DNM2: variants seen among roughly 807,000 people sequenced by gnomAD.
DNM2 encodes the protein dynamin 2.
DNM2 carries 15 observed loss-of-function variants against 99.0 expected under a neutral mutation model. The observed-to-expected ratio is 0.15, with a 90% CI of 0.10 to 0.23. The LOEUF (loss-of-function observed/expected upper bound fraction) is 0.23. Among genes scored for constraint, DNM2 ranks in the 10% least tolerant of loss-of-function variants. The pLI, the probability that DNM2 is intolerant of heterozygous loss-of-function variation, is 1.00. For synonymous variants in DNM2, 525 were observed against 481.2 expected, an observed-to-expected ratio of 1.09 and a Z score of -1.19; for missense variants, 742 against 1,189.4, an observed-to-expected ratio of 0.62 and a Z score of 5.53.
rs532396095 is a variant in DNM2 at position 10,812,758 on chromosome 19, G to A, written c.1671+381G>A. ...GCCGAGATTGCGCCACTGCACTCCAGCCTGGGCGAGAGAGCGAGACTCCAT... is the reference window on the plus strand; with the variant it reads ...GCCGAGATTGCGCCACTGCACTCCAACCTGGGCGAGAGAGCGAGACTCCAT... On this transcript the variant is annotated intron_variant, in intron 15 of 20. Transcript: ENST00000389253. This position sits in a 1 kb window ranked among gnomAD's most constrained non-coding sequence, Gnocchi z 4.0. Among the ~76,000 whole-genome samples the A allele has an allele frequency of 2.5e-4, 38 of 152,330 alleles. No homozygotes were observed. Among genetic ancestry groups the A allele is most frequent in the African/African-American group, 8.9e-4 (37 of 41,574 alleles).
In DNM2 at chr19:10,811,656, CGTTA is replaced by C; in HGVS notation, c.1558-604_1558-601del. 2.0e-6 allele frequency: 1 copy of C among 504,350 alleles called. No homozygotes were observed. Among genetic ancestry groups the C allele is most frequent in the Non-Finnish European group, 3.9e-6 (1 of 253,408 alleles). The allele number at this position is 504,350 out of a possible 1,614,324, so 31.2% of individuals were successfully genotyped here. The stretch of plus-strand genomic sequence containing the variant: ...GGAGCACAGCCCCCAGGCTGCCTGC[CGTTA>C]GTTGTCAGGTGAGTCCCTGCGCAGG... On this transcript the variant is annotated intron_variant, in intron 14 of 20. Transcript: ENST00000389253. The surrounding 1 kb of genome is among the most constrained non-coding windows in gnomAD (Gnocchi z 5.4).
intron 16 of DNM2, 103 bp from the exon 17 acceptor site, chr19:10,823,684 GT>G (rs1301959119): frequency 1.7e-6 from 2 of 1,193,364 alleles, no homozygotes; most frequent in African/African-American, 1.5e-5. Flanking sequence ...TTGGGTTTGG[GT>G]TCCTGATCAG....
At chr19:10,806,988 A>G (rs887753034) in intron 13 of DNM2, among the ~76,000 whole-genome samples, 2 of 152,104 alleles carry the variant, frequency 1.3e-5, no homozygotes, top group Non-Finnish European at 1.5e-5. Flanking sequence ...CTGAGCCACA[A>G]AGGGTTGTAC....
intron 1 of DNM2, among the ~76,000 whole-genome samples, chr19:10,747,209 G>T (rs777791247): frequency 6.6e-6 from 1 of 152,036 alleles, no homozygotes; most frequent in Non-Finnish European, 1.5e-5. Flanking sequence ...TCTCTTTTGG[G>T]TATCATGGTA....
Position 10,742,001 on chromosome 19 carries a change from CTTCTTTCTTTTT to C in DNM2, c.162-17726_162-17715del, listed in dbSNP as rs1430827700. Among the ~76,000 whole-genome samples the C allele has an allele frequency of 7.0e-5, 10 of 143,270 alleles. No homozygotes were observed. The South Asian group carries it at 2.0e-3, about 29-fold the overall frequency. The allele number at this position is 143,270 out of a possible 152,430, so 94.0% of individuals were successfully genotyped here. ...TTTTCCTCTACCCTTCTTTCTTTTCCTTCTTTCTTTTTTTCTTTCTTTGTTTTTGCTTGATTG... is the reference window on the plus strand; with the variant it reads ...TTTTCCTCTACCCTTCTTTCTTTTCCTTCTTTCTTTGTTTTTGCTTGATTG... On this transcript the variant is annotated intron_variant, in intron 1 of 20. Transcript: ENST00000389253.
In DNM2 at chr19:10,819,836, G is replaced by T. The variant is rs972837633; in HGVS notation, c.1672-144G>T. 7.9e-6 allele frequency: 6 copies of T among 763,390 alleles called. No homozygotes were observed. The South Asian group carries it at 8.4e-5, about 11-fold the overall frequency. The allele number at this position is 763,390 out of a possible 1,614,324, so 47.3% of individuals were successfully genotyped here. A position where few individuals can be genotyped will look rare whatever the true frequency, so the allele number is the denominator to read the frequency against. ...GGGACAGAGTGACGGACGGGGAAGG[G>T]CCGGCAGATGGGCTCATATACAGCA... On this transcript the variant is annotated intron_variant, in intron 15 of 20. Transcript: ENST00000389253.
intron 1 of DNM2, among the ~76,000 whole-genome samples, chr19:10,749,586 G>A (rs146779101): frequency 5.3e-4 from 81 of 152,374 alleles, no homozygotes; most frequent in Middle Eastern, 6.8e-3. Flanking sequence ...TGCCCAGAGA[G>A]GGGTAGAGAC....
Position 10,797,528 on chromosome 19 carries a change from T to G in DNM2, c.1335+10T>G. 1 of 1,608,486 alleles carries G rather than the reference T, an allele frequency of 6.2e-7. No individual in the cohort carries two copies. Among genetic ancestry groups the G allele is most frequent in the Non-Finnish European group, 8.5e-7 (1 of 1,176,502 alleles). ...AAAGTGTGCCGAGAAGGTAACAGGT[T>G]TTGTTCTCATCTCCGCATTTGTCCC... is the stretch of plus-strand genomic sequence containing the variant. On this transcript the variant is annotated intron_variant, in intron 10 of 20. Coordinates refer to ENST00000389253, the MANE Select transcript of DNM2 (RefSeq NM_001005361.3).
At chr19:10,789,054 C>T (rs1021073512) in intron 7 of DNM2, among the ~76,000 whole-genome samples, 4 of 152,114 alleles carry the variant, frequency 2.6e-5, no homozygotes, top group Admixed American at 6.6e-5. Flanking sequence ...AATTCATAGC[C>T]GGGGATGGTG....
intron 15 of DNM2, among the ~76,000 whole-genome samples, chr19:10,813,979 C>T (rs1048353953): frequency 2.6e-5 from 4 of 151,654 alleles, no homozygotes; most frequent in African/African-American, 7.3e-5. Flanking sequence ...CCTGGCCAAA[C>T]GGTGAAGCCC....
At chr19:10,768,058 A>G (rs952532060) in intron 2 of DNM2, among the ~76,000 whole-genome samples, 1 of 152,152 alleles carries the variant, frequency 6.6e-6, no homozygotes, top group African/African-American at 2.4e-5. Context: ...TCACTGACCC[A>G]CTAGGGAAGA....
intron 1 of DNM2, among the ~76,000 whole-genome samples, chr19:10,743,142 G>T (rs1303580494): frequency 6.6e-6 from 1 of 151,838 alleles, no homozygotes; most frequent in African/African-American, 2.4e-5. Context: ...CTGAGCTCAG[G>T]TGTTCCGCCT....
In DNM2 at chr19:10,796,306, C is replaced by G; in HGVS notation, c.1196+867C>G. The G allele has an allele frequency of 6.5e-7, 1 of 1,535,564 alleles. No individual in the cohort carries two copies. The highest frequency in any genetic ancestry group is 9.0e-7 in the Non-Finnish European group (1 of 1,115,692). ...TTGGCCCCCACTGGTGCCTTTTCTC[C>G]CCATATCGCTTTGTGTCCGTGAACT... On this transcript the variant is annotated intron_variant, in intron 9 of 20. Coordinates refer to ENST00000389253, the MANE Select transcript of DNM2 (RefSeq NM_001005361.3). The surrounding 1 kb of genome is among the most constrained non-coding windows in gnomAD (Gnocchi z 5.6).
At chr19:10,798,951 T>G (rs1201518902) in intron 11 of DNM2, among the ~76,000 whole-genome samples, 1 of 152,042 alleles carries the variant, frequency 6.6e-6, no homozygotes, top group Admixed American at 6.6e-5. Flanking sequence ...CCAGGCTGGG[T>G]GTAGTAACTC....
At chr19:10,824,933 G>A (rs1266089146) in intron 17 of DNM2, 124 bp from the exon 18 acceptor site, 31 of 1,492,354 alleles carry the variant, frequency 2.1e-5, no homozygotes, top group Non-Finnish European at 2.8e-5. Context: ...TCTGGTGCCA[G>A]TGGGGCTGTC....
At position 10,811,528 on chromosome 19, in the gene DNM2, G is replaced by A. The variant is rs909547036; in HGVS notation, c.1558-736G>A. 8 of 366,128 alleles carry A rather than the reference G, an allele frequency of 2.2e-5. No homozygotes were observed. Among genetic ancestry groups the A allele is most frequent in the East Asian group, 7.3e-5 (1 of 13,660 alleles). 22.7% of individuals were successfully genotyped at this position (366,128 alleles called of 1,614,324 possible). ...TCTGTCAGTGCCTGGGTCCCAGGCC[G>A]CCCTGTGCGTGCCTCCGTGTGCTTC... On this transcript the variant is annotated intron_variant, in intron 14 of 20. Coordinates refer to ENST00000389253, the MANE Select transcript of DNM2 (RefSeq NM_001005361.3). This position sits in a 1 kb window ranked among gnomAD's most constrained non-coding sequence, Gnocchi z 5.4.
chr19:10,737,838 G>A (rs1889667462), intron 1 of DNM2, among the ~76,000 whole-genome samples: 1 of 152,200 alleles, frequency 6.6e-6, no homozygotes, highest in African/African-American at 2.4e-5. Context: ...AATGCCCCAT[G>A]GTAGGGCGGT....
rs923851985 is a variant in DNM2, at chr19:10,802,233, GC to G, written c.1423-48del. 6.6e-4 allele frequency: 1,049 copies of G among 1,586,712 alleles called. 3 individuals carry two copies. The highest frequency in any genetic ancestry group is 8.4e-4 in the Non-Finnish European group (971 of 1,155,308). On this transcript the variant is annotated intron_variant, in intron 11 of 20. Transcript: ENST00000389253. ...AAGGCCAGGAAATGCTCTTGCCGCT[GC>G]CCCCCCTTGCCAGGCTTGGCCTTGT...
chr19:10,821,468 T>C (rs369640098), intron 16 of DNM2, among the ~76,000 whole-genome samples: 1 of 152,160 alleles, frequency 6.6e-6, no homozygotes, highest in Non-Finnish European at 1.5e-5. Context: ...AGGCCCTGCA[T>C]GTTCCTCAGG....
Sources: gnomAD v4.1 joint callset for allele counts (sites outside exome capture counted in the v4.1 genomes callset) on GRCh38, gnomAD v4.1.1 for gene constraint, Gnocchi (gnomAD v3.1) non-coding constraint, MANE v1.5 for transcripts, NCBI Gene and HGNC (gene_info 2026-07-23, HGNC 2026-07-21) for gene names.